DOCK4: variants seen among roughly 807,000 people sequenced by gnomAD.
DOCK4 encodes dedicator of cytokinesis protein 4.
A neutral mutation model predicts 268.1 loss-of-function variants in DOCK4; 97 were observed. That is an observed-to-expected ratio of 0.36 (90% CI 0.31 to 0.43). The LOEUF (loss-of-function observed/expected upper bound fraction) is 0.43, where lower values mean the gene tolerates loss of function less well. Among genes scored for constraint, DOCK4 ranks in the 20% least tolerant of loss-of-function variants. DOCK4 has a pLI of 1.00. For missense variants in DOCK4, 2,145 were observed against 2,455.7 expected, an observed-to-expected ratio of 0.87 and a Z score of 2.67; for synonymous variants, 954 against 887.2, an observed-to-expected ratio of 1.08 and a Z score of -1.34.
intron 30 of DOCK4, among the ~76,000 whole-genome samples, chr7:111,794,536 G>C (rs1799760284): frequency 6.6e-6 from 1 of 152,192 alleles, no homozygotes. Flanking sequence ...AAGTGGGAAA[G>C]TGGTGATGGG....
chr7:111,911,478 G>T (rs1232240255), intron 13 of DOCK4, among the ~76,000 whole-genome samples: 1 of 146,972 alleles, frequency 6.8e-6, no homozygotes, highest in African/African-American at 2.5e-5. Context: ...GGAAGAAAGG[G>T]AAAAAAAAAA....
chr7:112,041,033 C>A (rs1804307369), intron 1 of DOCK4, among the ~76,000 whole-genome samples: 3 of 151,872 alleles, frequency 2.0e-5, no homozygotes, highest in Non-Finnish European at 4.4e-5. Context: ...TTTGGTAAGA[C>A]AATGATAACA....
intron 1 of DOCK4, among the ~76,000 whole-genome samples, chr7:112,013,789 T>C (rs115593117): frequency 2.1e-5 from 3 of 145,178 alleles, no homozygotes; most frequent in African/African-American, 5.8e-5. Flanking sequence ...AGGCTTAGTC[T>C]GTACCCTAAC....
At chr7:111,988,167 T>C (rs1017168239) in intron 6 of DOCK4, among the ~76,000 whole-genome samples, 1 of 152,180 alleles carries the variant, frequency 6.6e-6, no homozygotes, top group Non-Finnish European at 1.5e-5. Context: ...TTTTTTTCTG[T>C]TGCCCTAAGA....
intron 28 of DOCK4, among the ~76,000 whole-genome samples, chr7:111,809,936 A>G (rs933394930): frequency 1.3e-5 from 2 of 152,286 alleles, no homozygotes; most frequent in South Asian, 2.1e-4. Flanking sequence ...TTCTTATACC[A>G]AAAAACAGAA....
rs60146972 is a variant in DOCK4 at position 111,976,269 on chromosome 7, TTATATATATATATATA to T, written c.701+847_701+862del. On this transcript the variant is annotated intron_variant, in intron 8 of 52. Coordinates refer to ENST00000428084, the MANE Select transcript of DOCK4 (RefSeq NM_001363540.2). ...GTATATATATGTGTATGTGTGTCTA[TTATATATATATATATA>T]TATATATATATATATATATATATAT... Among the ~76,000 whole-genome samples, 289 of 33,124 alleles carry T rather than the reference TTATATATATATATATA, an allele frequency of 8.7e-3. 9 individuals are homozygous for T. The highest frequency in any genetic ancestry group is 0.078 in the East Asian group (77 of 992). The allele number at this position is 33,124 out of a possible 152,430, so 21.7% of individuals were successfully genotyped here.
At chr7:112,047,673 G>A (rs1426228794) in intron 1 of DOCK4, among the ~76,000 whole-genome samples, 3 of 147,706 alleles carry the variant, frequency 2.0e-5, no homozygotes, top group Non-Finnish European at 3.1e-5. Flanking sequence ...ATGAAACACA[G>A]AGAAAATTAA....
At chr7:111,859,351 T>C (rs1014529741) in intron 23 of DOCK4, among the ~76,000 whole-genome samples, 21 of 152,194 alleles carry the variant, frequency 1.4e-4, no homozygotes, top group Admixed American at 6.5e-4. Flanking sequence ...GACTCCATCA[T>C]AACTGTATCT....
intron 43 of DOCK4, among the ~76,000 whole-genome samples, chr7:111,746,660 C>T (rs541911242): frequency 6.6e-6 from 1 of 152,224 alleles, no homozygotes; most frequent in East Asian, 1.9e-4. Context: ...AAGCCCAAAT[C>T]AGTAAGCTAT....
chr7:112,051,261 CTG>C (rs1280672652), intron 1 of DOCK4, among the ~76,000 whole-genome samples: 4 of 151,954 alleles, frequency 2.6e-5, no homozygotes, highest in Non-Finnish European at 5.9e-5. Flanking sequence ...TATCAAGACT[CTG>C]GGGTGGAGGG....
chr7:112,120,754 CAATATATCTACTG>C (rs1181281830), intron 1 of DOCK4, among the ~76,000 whole-genome samples: 1 of 152,160 alleles, frequency 6.6e-6, no homozygotes, highest in Non-Finnish European at 1.5e-5. Context: ...GGCTCATAAG[CAATATATCTACTG>C]AATATTAATG....
intron 1 of DOCK4, among the ~76,000 whole-genome samples, chr7:112,042,570 GA>G (rs1276034864): frequency 6.6e-6 from 1 of 152,076 alleles, no homozygotes; most frequent in Non-Finnish European, 1.5e-5. Context: ...AATAAGTCGG[GA>G]AAAAAATGGT....
At chr7:112,154,270 T>C (rs6944684) in intron 1 of DOCK4, among the ~76,000 whole-genome samples, 2,231 of 152,210 alleles carry the variant, frequency 0.015, 54 homozygotes, top group African/African-American at 0.05. Flanking sequence ...CTGTACCCAG[T>C]TGGTTTTTTA....
chr7:111,869,742 G>T, intron 20 of DOCK4, 87 bp from the exon 21 acceptor site: 1 of 1,117,032 alleles, frequency 9.0e-7, no homozygotes, highest in Non-Finnish European at 1.3e-6. Context: ...ACTATATCAT[G>T]AGGAGGTTTC....
At chr7:111,853,249 C>T (rs1468766101) in intron 23 of DOCK4, among the ~76,000 whole-genome samples, 6 of 152,138 alleles carry the variant, frequency 3.9e-5, no homozygotes, top group Non-Finnish European at 7.3e-5. Flanking sequence ...ACCAAGAGCG[C>T]GAGGTCTGTG....
At chr7:111,860,426 C>T (rs952069714) in intron 23 of DOCK4, among the ~76,000 whole-genome samples, 10 of 152,180 alleles carry the variant, frequency 6.6e-5, no homozygotes, top group Non-Finnish European at 1.0e-4. Context: ...TCTTCAATGA[C>T]GAGTTAGGAA....
chr7:111,904,070 G>T (rs1356211802), intron 13 of DOCK4, among the ~76,000 whole-genome samples: 1 of 152,200 alleles, frequency 6.6e-6, no homozygotes, highest in Non-Finnish European at 1.5e-5. Flanking sequence ...GAAGGACGTG[G>T]CCTCTCAGAC....
intron 1 of DOCK4, among the ~76,000 whole-genome samples, chr7:112,031,949 C>G (rs117168166): frequency 1.2e-4 from 19 of 152,260 alleles, no homozygotes; most frequent in Non-Finnish European, 2.4e-4. Flanking sequence ...AAAAGCATGT[C>G]TACCAAAAAA....
At chr7:111,866,410 T>C (rs1000264002) in intron 22 of DOCK4, among the ~76,000 whole-genome samples, 1 of 152,220 alleles carries the variant, frequency 6.6e-6, no homozygotes, top group African/African-American at 2.4e-5. Flanking sequence ...ATGACTTCAG[T>C]AGAGTTTACA....
Sources: gnomAD v4.1 joint callset for allele counts (sites outside exome capture counted in the v4.1 genomes callset) on GRCh38, gnomAD v4.1.1 for gene constraint, MANE v1.5 for transcripts, NCBI Gene and HGNC (gene_info 2026-07-23, HGNC 2026-07-21) for gene names.